SLC9A1: variants seen among roughly 807,000 people sequenced by gnomAD.
The protein encoded by SLC9A1 is solute carrier family 9 member A1.
Under a neutral mutation model 67.9 loss-of-function variants are expected in SLC9A1, and 22 were observed. The ratio of observed to expected loss-of-function variants is 0.32; its 90% CI spans 0.23 to 0.46. SLC9A1 has a LOEUF of 0.46. SLC9A1 is among the 20% of genes least tolerant of loss of function. SLC9A1 has a pLI of 1.00. For missense variants in SLC9A1, 686 were observed against 1,094.8 expected, an observed-to-expected ratio of 0.63 and a Z score of 5.27; for synonymous variants, 421 against 471.8, an observed-to-expected ratio of 0.89 and a Z score of 1.40.
At chr1:27,104,682 C>T (rs2083172373) in intron 5 of SLC9A1, among the ~76,000 whole-genome samples, 1 of 152,228 alleles carries the variant, frequency 6.6e-6, no homozygotes, top group South Asian at 2.1e-4. Context: ...AGCCACTGCA[C>T]CAGGGTCCCC....
In SLC9A1 at chr1:27,131,833, A is replaced by T. The variant is rs1026090839; in HGVS notation, c.353-17547T>A. 4.7e-5 allele frequency among the ~76,000 whole-genome samples: 7 copies of T among 149,878 alleles called. 1 individual carries two copies. The highest frequency in any genetic ancestry group is 1.3e-4 in the Admixed American group (2 of 14,820). On this transcript the variant is annotated intron_variant, in intron 1 of 11. Coordinates refer to ENST00000263980, the MANE Select transcript of SLC9A1 (RefSeq NM_003047.5). ...CTACATGGGAGGCTGAGGCAGGAGA[A>T]CTGCTTGAACCCAGGAGGCAGAGGT...
chr1:27,110,121 T>C (rs185102631), intron 2 of SLC9A1, among the ~76,000 whole-genome samples: 136 of 152,288 alleles, frequency 8.9e-4, no homozygotes, highest in Non-Finnish European at 1.7e-3. Context: ...TTCCTGTCTA[T>C]AAAATGAGGA....
At chr1:27,107,892 G>T (rs756898242) in intron 3 of SLC9A1, 27 bp from the exon 4 acceptor site, 5 of 1,525,334 alleles carry the variant, frequency 3.3e-6, no homozygotes, top group Middle Eastern at 1.8e-4. Context: ...CGGGGTCAGG[G>T]CTCCGTGTCG....
intron 2 of SLC9A1, among the ~76,000 whole-genome samples, chr1:27,111,555 G>C (rs1204928038): frequency 2.0e-5 from 3 of 152,116 alleles, no homozygotes; most frequent in African/African-American, 4.8e-5. Context: ...CAGCACTTTG[G>C]GAGGCCAAAG....
intron 1 of SLC9A1, among the ~76,000 whole-genome samples, chr1:27,123,631 C>T (rs573865616): frequency 4.9e-4 from 71 of 143,870 alleles, no homozygotes; most frequent in Non-Finnish European, 6.3e-4. Context: ...CTGCCTCAGC[C>T]TCCCGAGTAG....
chr1:27,129,034 C>A (rs1203465151), intron 1 of SLC9A1, among the ~76,000 whole-genome samples: 1 of 152,144 alleles, frequency 6.6e-6, no homozygotes, highest in Non-Finnish European at 1.5e-5. Context: ...GATCTAGATT[C>A]CCAGAAACCA....
At chr1:27,135,399 C>T (rs1053346502) in intron 1 of SLC9A1, among the ~76,000 whole-genome samples, 1 of 151,604 alleles carries the variant, frequency 6.6e-6, no homozygotes, top group African/African-American at 2.4e-5. Flanking sequence ...AGAGAAAAGC[C>T]CAGGATGAAC....
chr1:27,140,642 G>T (rs1570882558), intron 1 of SLC9A1, among the ~76,000 whole-genome samples: 4 of 152,204 alleles, frequency 2.6e-5, no homozygotes, highest in Admixed American at 2.0e-4. Context: ...CTTAATACTG[G>T]CATCACTCAC....
rs1342112445 is a variant in SLC9A1 at position 27,109,158 on chromosome 1, C to T, written c.1064+369G>A. On this transcript the variant is annotated intron_variant, in intron 3 of 11. Coordinates refer to ENST00000263980, the MANE Select transcript of SLC9A1 (RefSeq NM_003047.5). This position sits in a 1 kb window ranked among gnomAD's most constrained non-coding sequence, Gnocchi z 5.5. ...GCTGCTGAGGGGACTCCCTTTGAGA[C>T]AATGAAGTAGCAGGGCTGTGGCTTT... Among the ~76,000 whole-genome samples the T allele has an allele frequency of 6.6e-6, 1 of 152,126 alleles. No homozygotes were observed. The highest frequency in any genetic ancestry group is 1.5e-5 in the Non-Finnish European group (1 of 67,996).
chr1:27,124,769 A>C (rs1234236913), intron 1 of SLC9A1, among the ~76,000 whole-genome samples: 5 of 152,030 alleles, frequency 3.3e-5, no homozygotes, highest in African/African-American at 1.2e-4. Flanking sequence ...GCCATCCTCC[A>C]CTTGGACATT....
At chr1:27,125,237 C>CTTTTTTTTTT (rs71010327) in intron 1 of SLC9A1, among the ~76,000 whole-genome samples, 44 of 86,880 alleles carry the variant, frequency 5.1e-4, no homozygotes, top group Admixed American at 9.5e-4. Context: ...CCTTTTCTTT[C>CTTTTTTTTTT]TTTTTTTTTT....
intron 1 of SLC9A1, among the ~76,000 whole-genome samples, chr1:27,153,122 G>T (rs569983635): frequency 2.8e-4 from 43 of 152,242 alleles, no homozygotes; most frequent in Non-Finnish European, 5.1e-4. Flanking sequence ...CTCCCCAAAA[G>T]AAGGTTTCAA....
intron 1 of SLC9A1, among the ~76,000 whole-genome samples, chr1:27,142,555 C>T (rs756259902): frequency 2.6e-5 from 4 of 152,194 alleles, no homozygotes; most frequent in Non-Finnish European, 4.4e-5. Context: ...CTTTCTCTTG[C>T]GTCTGCTGCC....
At chr1:27,131,951 T>TAAAAAAAAAAAATAAA (rs1557428227) in intron 1 of SLC9A1, among the ~76,000 whole-genome samples, 1 of 35,100 alleles carries the variant, frequency 2.8e-5, no homozygotes, top group African/African-American at 8.2e-5. Context: ...AAAAAAAATA[T>TAAAAAAAAAAAATAAA]ATATATATAT....
chr1:27,109,428 G>A lies in SLC9A1; in HGVS notation c.1064+99C>T. On this transcript the variant is annotated intron_variant, in intron 3 of 11. Transcript: ENST00000263980. This position sits in a 1 kb window ranked among gnomAD's most constrained non-coding sequence, Gnocchi z 5.5. ...GTCTCATCCCTGGAGCTCAAGGCTG[G>A]GCCCTGGGAGCTCCGTGAACCTACG... 7.6e-7 allele frequency: 1 copy of A among 1,308,834 alleles called. No individual in the cohort carries two copies. Among genetic ancestry groups the A allele is most frequent in the South Asian group, 1.3e-5 (1 of 79,030 alleles). 81.1% of individuals were successfully genotyped at this position (1,308,834 alleles called of 1,614,324 possible).
At chr1:27,140,458 T>A (rs750711689) in intron 1 of SLC9A1, among the ~76,000 whole-genome samples, 2 of 151,986 alleles carry the variant, frequency 1.3e-5, no homozygotes, top group Non-Finnish European at 2.9e-5. Flanking sequence ...AAAACCATCC[T>A]CCAGTGCTTG....
At position 27,154,275 on chromosome 1, in the gene SLC9A1, G is replaced by A. The variant is rs775374045; in HGVS notation, c.60C>T (p.Leu20=). The change falls in exon 1 of 12, where the codon CTC becomes CTT. Residue 20 remains leucine, a synonymous_variant. Transcript: ENST00000263980. The stretch of plus-strand genomic sequence containing the variant: ...GCAGCCCCACCAAAGCAACCACCAC[G>A]AGTAAGGAAGGGAAGATCCGATGTG... ...LSPHRIFPSL[L]VVVALVGLLP... 3.7e-6 allele frequency: 6 copies of A among 1,612,806 alleles called. No homozygotes were observed. Among genetic ancestry groups the A allele is most frequent in the East Asian group, 2.2e-5 (1 of 44,874 alleles).
Position 27,103,232 on chromosome 1 carries a change from G to A in SLC9A1, c.1566C>T (p.Ile522=), listed in dbSNP as rs750706828. 2.5e-6 allele frequency: 4 copies of A among 1,612,624 alleles called. No individual in the cohort carries two copies. Among genetic ancestry groups the A allele is most frequent in the Non-Finnish European group, 3.4e-6 (4 of 1,178,790 alleles). The change falls in exon 6 of 12, where the codon ATC becomes ATT. Residue 522 remains isoleucine, a synonymous_variant. Coordinates refer to ENST00000263980, the MANE Select transcript of SLC9A1 (RefSeq NM_003047.5). ...GCCCGCACTCCAGTACCTGTGTGTG[G>A]ATCTCTTCGTTGATGGAGCGCTTCG... ...QETKRSINEE[I]HTQFLDHLLT...
chr1:27,112,235 A>G (rs1181588774), intron 2 of SLC9A1, among the ~76,000 whole-genome samples: 1 of 152,112 alleles, frequency 6.6e-6, no homozygotes, highest in African/African-American at 2.4e-5. Flanking sequence ...AGGCTATTCT[A>G]CCCAGCCCCA....
Sources: allele counts gnomAD v4.1 joint callset (sites outside exome capture counted in the v4.1 genomes callset), GRCh38; gene constraint gnomAD v4.1.1; non-coding constraint Gnocchi (gnomAD v3.1); transcripts MANE v1.5; gene names NCBI Gene and HGNC (gene_info 2026-07-23, HGNC 2026-07-21).